The following PLCXD3 variants were observed in gnomAD, a reference collection of about 807,000 sequenced individuals.
PLCXD3 encodes the protein PI-PLC X domain-containing protein 3.
In PLCXD3, 19 loss-of-function variants were observed where a neutral mutation model predicts 25.5. The ratio of observed to expected loss-of-function variants is 0.75; its 90% CI spans 0.52 to 1.09. PLCXD3 has a LOEUF of 1.09. Among genes scored for constraint, PLCXD3 ranks in the 50% least tolerant of loss-of-function variants. The probability of loss-of-function intolerance (pLI) is 0.00; values close to 1 mark genes in which losing one functional copy is unlikely to be tolerated. For missense variants in PLCXD3, 411 were observed against 388.1 expected (o/e 1.06, Z -0.50); for synonymous variants, 174 against 137.6 (o/e 1.26, Z -1.85).
At chr5:41,357,870 T>G (rs1412293466) in intron 2 of PLCXD3, among the ~76,000 whole-genome samples, 1 of 152,212 alleles carries the variant, frequency 6.6e-6, no homozygotes, top group Non-Finnish European at 1.5e-5. Context: ...TACAAAATTG[T>G]TATATGTGCC....
intron 2 of PLCXD3, among the ~76,000 whole-genome samples, chr5:41,343,995 G>A (rs1209645741): frequency 1.3e-5 from 2 of 151,808 alleles, no homozygotes; most frequent in African/African-American, 4.8e-5. Flanking sequence ...TCTTGTATTT[G>A]CTCTAACTTT....
chr5:41,483,634 T>A (rs1216125839), intron 1 of PLCXD3, among the ~76,000 whole-genome samples: 1 of 152,160 alleles, frequency 6.6e-6, no homozygotes, highest in Non-Finnish European at 1.5e-5. Context: ...TGAATGACAG[T>A]GATGGCTGTA....
chr5:41,460,025 A>G (rs1338234107), intron 1 of PLCXD3, among the ~76,000 whole-genome samples: 1 of 151,968 alleles, frequency 6.6e-6, no homozygotes, highest in African/African-American at 2.4e-5. Context: ...CAAAGGGCAC[A>G]GCTATGCCTT....
rs1743059601 is a variant in PLCXD3, at chr5:41,308,815, T to G, written c.*4802A>C. The G allele has an allele frequency of 6.6e-6, 1 of 152,330 alleles. No homozygotes were observed. Among genetic ancestry groups the G allele is most frequent in the South Asian group, 2.1e-4 (1 of 4,830 alleles). The allele number at this position is 152,330 out of a possible 1,614,324, so 9.4% of individuals were successfully genotyped here. On this transcript the variant is annotated 3_prime_UTR_variant, in exon 3 of 3. Coordinates refer to ENST00000377801, the MANE Select transcript of PLCXD3 (RefSeq NM_001005473.3). ...AACTTTAAAGGTGTACTGGTTCTAT[T>G]GTTGATGAAAACAAATTAGTCTGTA...
At chr5:41,400,591 A>C (rs565534752) in intron 1 of PLCXD3, among the ~76,000 whole-genome samples, 6 of 152,104 alleles carry the variant, frequency 3.9e-5, no homozygotes, top group Non-Finnish European at 8.8e-5. Context: ...TGGGCACAGA[A>C]AGACAAACAC....
rs751404561 is a variant in PLCXD3, at chr5:41,484,245, G to GCACA, written c.103+26175_103+26178dup. On this transcript the variant is annotated intron_variant, in intron 1 of 2. Coordinates refer to ENST00000377801, the MANE Select transcript of PLCXD3 (RefSeq NM_001005473.3). The stretch of plus-strand genomic sequence containing the variant: ...TCTGTGACTTAAGATCCTGGAACAT[G>GCACA]CACACACACACACACACACACACAC... Among the ~76,000 whole-genome samples the GCACA allele has an allele frequency of 1.0e-3, 126 of 124,504 alleles. 1 individual carries two copies. Among genetic ancestry groups the GCACA allele is most frequent in the South Asian group, 4.7e-3 (19 of 4,014 alleles). 81.7% of individuals were successfully genotyped at this position (124,504 alleles called of 152,430 possible).
At chr5:41,394,363 A>T (rs1745932565) in intron 1 of PLCXD3, among the ~76,000 whole-genome samples, 1 of 152,184 alleles carries the variant, frequency 6.6e-6, no homozygotes, top group Admixed American at 6.5e-5. Context: ...ATCAGAAAAA[A>T]ATCACCTTCA....
At chr5:41,407,057 C>T (rs772894089) in intron 1 of PLCXD3, among the ~76,000 whole-genome samples, 5 of 151,992 alleles carry the variant, frequency 3.3e-5, no homozygotes, top group Non-Finnish European at 7.4e-5. Flanking sequence ...TTTTTCATAC[C>T]ACTGTCTTAA....
At chr5:41,489,247 C>T (rs1033698223) in intron 1 of PLCXD3, among the ~76,000 whole-genome samples, 42 of 152,128 alleles carry the variant, frequency 2.8e-4, no homozygotes, top group Non-Finnish European at 4.1e-4. Context: ...TGTAGATAAG[C>T]GGCATTATTT....
chr5:41,382,838 T>C (rs1745514211), intron 1 of PLCXD3, among the ~76,000 whole-genome samples: 1 of 152,120 alleles, frequency 6.6e-6, no homozygotes, highest in African/African-American at 2.4e-5. Flanking sequence ...AGAATTGGCT[T>C]TCCTTATGGG....
intron 1 of PLCXD3, among the ~76,000 whole-genome samples, chr5:41,452,953 G>T (rs1463712766): frequency 1.3e-5 from 2 of 151,888 alleles, no homozygotes; most frequent in African/African-American, 4.8e-5. Context: ...ATACATTGTG[G>T]AATAGATAAA....
At chr5:41,374,513 T>A (rs75001402) in intron 2 of PLCXD3, among the ~76,000 whole-genome samples, 261 of 152,258 alleles carry the variant, frequency 1.7e-3, no homozygotes, top group African/African-American at 6.1e-3. Context: ...ATAACACTTG[T>A]ACGAATGAAG....
At chr5:41,342,794 A>G (rs1350184327) in intron 2 of PLCXD3, among the ~76,000 whole-genome samples, 2 of 152,204 alleles carry the variant, frequency 1.3e-5, no homozygotes, top group East Asian at 3.8e-4. Flanking sequence ...GTTAAAAACT[A>G]TAAGAATTTA....
intron 1 of PLCXD3, among the ~76,000 whole-genome samples, chr5:41,489,172 T>C (rs1748591373): frequency 6.6e-6 from 1 of 151,950 alleles, no homozygotes; most frequent in Non-Finnish European, 1.5e-5. Flanking sequence ...CCCAGCACCA[T>C]TTATTAAATA....
chr5:41,433,203 C>G (rs1450081182), intron 1 of PLCXD3, among the ~76,000 whole-genome samples: 1 of 152,136 alleles, frequency 6.6e-6, no homozygotes, highest in Admixed American at 6.5e-5. Context: ...TGCTACTTAC[C>G]AACTGGGTAG....
intron 1 of PLCXD3, among the ~76,000 whole-genome samples, chr5:41,400,502 A>G (rs949233243): frequency 2.6e-5 from 4 of 152,164 alleles, no homozygotes; most frequent in African/African-American, 9.6e-5. Flanking sequence ...AGTACTATTC[A>G]GCCACATAGA....
chr5:41,397,141 T>C (rs1397768437), intron 1 of PLCXD3, among the ~76,000 whole-genome samples: 1 of 152,120 alleles, frequency 6.6e-6, no homozygotes, highest in Admixed American at 6.6e-5. Flanking sequence ...GCCAAGGCAA[T>C]GGGGAAAATA....
chr5:41,335,637 T>C (rs902221904), intron 2 of PLCXD3, among the ~76,000 whole-genome samples: 1 of 152,134 alleles, frequency 6.6e-6, no homozygotes, highest in Non-Finnish European at 1.5e-5. Flanking sequence ...AGGTCCTTGA[T>C]GGTGAGATCC....
intron 2 of PLCXD3, among the ~76,000 whole-genome samples, chr5:41,371,680 T>C (rs1745100593): frequency 6.6e-6 from 1 of 152,150 alleles, no homozygotes; most frequent in African/African-American, 2.4e-5. Context: ...TAATAAATCC[T>C]GCACGTTCAA....
Sources: allele counts gnomAD v4.1 joint callset (sites outside exome capture counted in the v4.1 genomes callset), GRCh38; gene constraint gnomAD v4.1.1; transcripts MANE v1.5; gene names NCBI Gene and HGNC (gene_info 2026-07-23, HGNC 2026-07-21).